The following LDLRAD3 variants were observed in gnomAD, a reference collection of about 807,000 sequenced individuals.
LDLRAD3 encodes the protein low density lipoprotein receptor class A domain containing 3.
LDLRAD3 carries 20 observed loss-of-function variants against 29.4 expected under a neutral mutation model. That is an observed-to-expected ratio of 0.68 (90% CI 0.48 to 0.99). The LOEUF is 0.99. LDLRAD3 is among the 50% of genes least tolerant of loss of function. LDLRAD3 has a pLI of 0.00. For synonymous variants in LDLRAD3, 157 were observed against 192.7 expected (o/e 0.81, Z 1.53); for missense variants, 420 against 454.3 (o/e 0.92, Z 0.69).
intron 1 of LDLRAD3, among the ~76,000 whole-genome samples, chr11:35,973,004 GA>G (rs1851432964): frequency 1.4e-5 from 2 of 139,430 alleles, no homozygotes; most frequent in South Asian, 2.3e-4. Context: ...AGTGAGCCTA[GA>G]TTGCACCATT....
chr11:36,122,077 G>A lies in LDLRAD3; in HGVS notation c.454+23616G>A, dbSNP rs192605689. 8.9e-4 allele frequency among the ~76,000 whole-genome samples: 136 copies of A among 152,122 alleles called. 1 individual carries two copies. The highest frequency in any genetic ancestry group is 1.0e-3 in the Non-Finnish European group (68 of 68,030). ...CCAGTAAATGGCAGAGCCAGGATTC[G>A]AACCCACACTCTTGTGACCTCAGAG... On this transcript the variant is annotated intron_variant, in intron 4 of 5. Transcript: ENST00000315571.
chr11:36,170,620 C>G (rs1854585119), intron 4 of LDLRAD3, among the ~76,000 whole-genome samples: 1 of 152,034 alleles, frequency 6.6e-6, no homozygotes, highest in South Asian at 2.1e-4. Context: ...ACATTCCTAC[C>G]AGCGATATAA....
At chr11:36,036,357 G>C in intron 2 of LDLRAD3, 108 bp downstream of exon 2, 1 of 1,303,682 alleles carries the variant, frequency 7.7e-7, no homozygotes, top group Non-Finnish European at 1.1e-6. Flanking sequence ...CTGCAAGCTG[G>C]TGGTTTTGTG....
At chr11:36,137,381 A>T (rs1417495343) in intron 4 of LDLRAD3, among the ~76,000 whole-genome samples, 3 of 152,238 alleles carry the variant, frequency 2.0e-5, no homozygotes, top group Non-Finnish European at 4.4e-5. Flanking sequence ...ACTTCTAATG[A>T]CATAATCTCA....
chr11:36,054,136 C>G (rs961657125), intron 2 of LDLRAD3, among the ~76,000 whole-genome samples: 1 of 152,216 alleles, frequency 6.6e-6, no homozygotes, highest in Non-Finnish European at 1.5e-5. Context: ...GGTTTCCCCC[C>G]CATTTTCTGC....
intron 1 of LDLRAD3, among the ~76,000 whole-genome samples, chr11:35,952,364 T>G (rs1396756124): frequency 6.6e-6 from 1 of 152,156 alleles, no homozygotes; most frequent in African/African-American, 2.4e-5. Flanking sequence ...CAATATTGAC[T>G]TCATGCTTAT....
At chr11:36,151,733 C>CT (rs1854281073) in intron 4 of LDLRAD3, among the ~76,000 whole-genome samples, 4 of 152,202 alleles carry the variant, frequency 2.6e-5, no homozygotes, top group Admixed American at 2.0e-4. Context: ...ACATCAGTGT[C>CT]TGTAGTAGAG....
At chr11:36,106,179 G>A (rs958001236) in intron 4 of LDLRAD3, among the ~76,000 whole-genome samples, 4 of 152,178 alleles carry the variant, frequency 2.6e-5, no homozygotes, top group African/African-American at 9.7e-5. Context: ...GGACTTGGTA[G>A]AGCCATGCTT....
At chr11:35,956,439 G>C (rs1432240748) in intron 1 of LDLRAD3, among the ~76,000 whole-genome samples, 5 of 151,636 alleles carry the variant, frequency 3.3e-5, no homozygotes, top group Non-Finnish European at 7.4e-5. Context: ...TAGTGTGGTT[G>C]ACAGACCAAC....
chr11:36,194,271 T>C (rs1271357806), intron 4 of LDLRAD3, among the ~76,000 whole-genome samples: 1 of 152,120 alleles, frequency 6.6e-6, no homozygotes, highest in Non-Finnish European at 1.5e-5. Flanking sequence ...CCCACTTGCT[T>C]TGTAGGTCCA....
chr11:36,119,392 A>G (rs1853720731), intron 4 of LDLRAD3, among the ~76,000 whole-genome samples: 2 of 152,128 alleles, frequency 1.3e-5, no homozygotes, highest in South Asian at 2.1e-4. Flanking sequence ...GCTTTCTGCT[A>G]TTTTGGACTG....
intron 1 of LDLRAD3, among the ~76,000 whole-genome samples, chr11:35,991,492 A>G (rs1459487721): frequency 6.6e-6 from 1 of 152,176 alleles, no homozygotes; most frequent in African/African-American, 2.4e-5. Flanking sequence ...ATGGTTTATC[A>G]TATTTTTTAG....
chr11:36,000,589 T>C (rs974105402), intron 1 of LDLRAD3, among the ~76,000 whole-genome samples: 1 of 152,208 alleles, frequency 6.6e-6, no homozygotes, highest in African/African-American at 2.4e-5. Context: ...TTTCTTTATA[T>C]GTGTGAAATA....
intron 4 of LDLRAD3, among the ~76,000 whole-genome samples, chr11:36,174,756 C>T (rs1239814549): frequency 2.0e-5 from 3 of 152,064 alleles, no homozygotes; most frequent in Admixed American, 6.5e-5. Flanking sequence ...CTGAGGCAGG[C>T]GGATCACGAG....
chr11:36,109,335 C>T (rs1278404416), intron 4 of LDLRAD3, among the ~76,000 whole-genome samples: 2 of 149,122 alleles, frequency 1.3e-5, no homozygotes, highest in South Asian at 2.1e-4. Flanking sequence ...TCCCATGGGC[C>T]GTGGGAAGCC....
intron 4 of LDLRAD3, among the ~76,000 whole-genome samples, chr11:36,144,961 C>T (rs1854157003): frequency 8.8e-6 from 1 of 113,140 alleles, no homozygotes; most frequent in Non-Finnish European, 1.9e-5. Flanking sequence ...CGGCCAGCCG[C>T]CCCGTCCCGG....
At chr11:36,159,312 T>G (rs1335421254) in intron 4 of LDLRAD3, among the ~76,000 whole-genome samples, 1 of 150,144 alleles carries the variant, frequency 6.7e-6, no homozygotes, top group East Asian at 2.0e-4. Context: ...TATAAAAATT[T>G]TAAAAAACTT....
At chr11:36,132,375 G>T (rs1466996589) in intron 4 of LDLRAD3, among the ~76,000 whole-genome samples, 1 of 152,180 alleles carries the variant, frequency 6.6e-6, no homozygotes, top group Admixed American at 6.5e-5. Flanking sequence ...ATGCTTCAAT[G>T]ATGTGTGATT....
chr11:35,978,958 C>A (rs1316257653), intron 1 of LDLRAD3, among the ~76,000 whole-genome samples: 1 of 152,194 alleles, frequency 6.6e-6, no homozygotes, highest in Non-Finnish European at 1.5e-5. Flanking sequence ...TTAGTGAATA[C>A]CAGAATCTCA....
Sources: gnomAD v4.1 joint callset for allele counts (sites outside exome capture counted in the v4.1 genomes callset) on GRCh38, gnomAD v4.1.1 for gene constraint, MANE v1.5 for transcripts, NCBI Gene and HGNC (gene_info 2026-07-23, HGNC 2026-07-21) for gene names.